The following MGAM2 variants were observed in gnomAD, a reference collection of about 807,000 sequenced individuals.
MGAM2 encodes probable maltase-glucoamylase 2.
Under a neutral mutation model 96.1 loss-of-function variants are expected in MGAM2, and 98 were observed. That is an observed-to-expected ratio of 1.02 (90% confidence interval 0.87 to 1.21). The LOEUF is 1.21. Among genes scored for constraint, MGAM2 ranks in the 50% most tolerant of loss-of-function variants. MGAM2 has a pLI of 0.00. For missense variants in MGAM2, 2,055 were observed against 1,182.4 expected (o/e 1.74, Z -10.82); for synonymous variants, 749 against 414.8 (o/e 1.81, Z -9.79).
At chr7:142,120,138 T>A (rs932782779) in intron 2 of MGAM2, among the ~76,000 whole-genome samples, 164 bp from the exon 3 acceptor site, 3 of 152,332 alleles carry the variant, frequency 2.0e-5, no homozygotes, top group Middle Eastern at 3.4e-3. Context: ...CAAATATAGA[T>A]ACCAGTTTGG....
chr7:142,183,165 T>G (rs1424932187), intron 32 of MGAM2, 101 bp from the exon 33 acceptor site: 3 of 607,830 alleles, frequency 4.9e-6, no homozygotes, highest in South Asian at 4.0e-5. Flanking sequence ...GGTATTGAGA[T>G]TCACCATTTC....
rs756116461 is a variant in MGAM2 at position 142,196,817 on chromosome 7, G to T, written c.4632+1G>T. 18 of 777,704 alleles carry T rather than the reference G, an allele frequency of 2.3e-5. No individual in the cohort carries two copies. Among genetic ancestry groups the T allele is most frequent in the Non-Finnish European group, 4.1e-5 (17 of 417,454 alleles). 48.2% of individuals were successfully genotyped at this position (777,704 alleles called of 1,614,324 possible). On this transcript the variant is annotated splice_donor_variant, in intron 40 of 47. Coordinates refer to ENST00000477922, the MANE Select transcript of MGAM2 (RefSeq NM_001293626.2). LOFTEE classifies it high-confidence loss of function. ...AAACCACAACAACATCGGGACAAGG[G>T]TGAGGCAGTAGTTCGTGCTCCAGGT...
In MGAM2 at chr7:142,185,107, G is replaced by T; in HGVS notation, c.3955G>T (p.Asp1319Tyr). The change falls in exon 34 of 48, where the codon GAT becomes TAT. Residue 1319 changes from aspartate (D) to tyrosine (Y), a missense_variant. By Grantham distance (160) the Asp-to-Tyr change is radical. Coordinates refer to ENST00000477922, the MANE Select transcript of MGAM2 (RefSeq NM_001293626.2). ...GCCAGATCTGCCTAATGTAATTGTA[G>T]ATGGATCCCTTGACCATGAAACTCA... ...VWPDLPNVIV[D>Y]GSLDHETQVK... The T allele has an allele frequency of 1.4e-6, 1 of 702,956 alleles. No homozygotes were observed. The highest frequency in any genetic ancestry group is 2.6e-6 in the Non-Finnish European group (1 of 384,956). 43.5% of individuals were successfully genotyped at this position (702,956 alleles called of 1,614,324 possible).
At chr7:142,138,338 C>A (rs185574732) in intron 9 of MGAM2, among the ~76,000 whole-genome samples, 217 of 151,586 alleles carry the variant, frequency 1.4e-3, no homozygotes, top group African/African-American at 5.0e-3. Flanking sequence ...ATTACTGAAA[C>A]ATTTTCTGCA....
At chr7:142,173,936 G>C (rs779869372) in intron 31 of MGAM2, among the ~76,000 whole-genome samples, 2 of 152,104 alleles carry the variant, frequency 1.3e-5, no homozygotes, top group South Asian at 4.1e-4. Flanking sequence ...GAATAAGGGA[G>C]TCCTTTCCCC....
chr7:142,153,973 C>A, intron 15 of MGAM2, 45 bp from the exon 16 acceptor site: 1 of 536,162 alleles, frequency 1.9e-6, no homozygotes, highest in Non-Finnish European at 3.5e-6. Flanking sequence ...GAGTCCTAGA[C>A]ATTCACAGCC....
chr7:142,143,654 A>G (rs896427325), intron 12 of MGAM2, 115 bp from the exon 13 acceptor site: 1 of 452,760 alleles, frequency 2.2e-6, no homozygotes, highest in African/African-American at 1.9e-5. Context: ...GGGTAGTCAC[A>G]CATTTTATTT....
intron 47 of MGAM2, 142 bp downstream of exon 47, chr7:142,218,673 G>A (rs1227511771): frequency 5.2e-6 from 3 of 574,558 alleles, no homozygotes; most frequent in Admixed American, 3.3e-5. Flanking sequence ...CAATAGATAT[G>A]TTCCTGAAAA....
intron 23 of MGAM2, among the ~76,000 whole-genome samples, chr7:142,163,121 C>T (rs1349454491): frequency 1.3e-5 from 2 of 152,168 alleles, no homozygotes; most frequent in African/African-American, 4.8e-5. Context: ...ACAGCTTGCT[C>T]CTTTTCATTG....
At chr7:142,136,839 A>G (rs1422597237) in intron 8 of MGAM2, among the ~76,000 whole-genome samples, 199 bp downstream of exon 8, 1 of 152,086 alleles carries the variant, frequency 6.6e-6, no homozygotes, top group Non-Finnish European at 1.5e-5. Flanking sequence ...TTCATTGAAA[A>G]CCACTTCAGG....
chr7:142,194,036 CTTT>C (rs537760392), intron 37 of MGAM2, among the ~76,000 whole-genome samples: 3 of 145,284 alleles, frequency 2.1e-5, no homozygotes, highest in Non-Finnish European at 1.5e-5. Flanking sequence ...CTTTCTTCTT[CTTT>C]TTTTTTTTTT....
In MGAM2 at chr7:142,167,296, G is replaced by T. The variant is rs1234390644; in HGVS notation, c.2837G>T (p.Cys946Phe). The change falls in exon 26 of 48, where the codon TGT becomes TTT. Residue 946 changes from cysteine to phenylalanine, a missense_variant. Physicochemically the swap from Cys to Phe is radical, Grantham distance 205. Coordinates refer to ENST00000477922, the MANE Select transcript of MGAM2 (RefSeq NM_001293626.2). ...EDTSTPGVPT[C>F]YYDTIPNYVA... Reference sequence around the variant, plus strand: ...ACATCTACTCCTGGAGTGCCCACCTGTTACTATGACACCATCCCTAATTAT... The same window carrying T: ...ACATCTACTCCTGGAGTGCCCACCTTTTACTATGACACCATCCCTAATTAT... 2 of 701,102 alleles carry T rather than the reference G, an allele frequency of 2.9e-6. No homozygotes were observed. The highest frequency in any genetic ancestry group is 3.5e-5 in the African/African-American group (2 of 57,208). 43.4% of individuals were successfully genotyped at this position (701,102 alleles called of 1,614,324 possible).
Position 142,116,859 on chromosome 7 carries a change from T to A in MGAM2, c.1-15T>A. On this transcript the variant is annotated splice_polypyrimidine_tract_variant and intron_variant, in intron 1 of 47. Coordinates refer to ENST00000477922, the MANE Select transcript of MGAM2 (RefSeq NM_001293626.2). Reference sequence around the variant, plus strand: ...CTTGTGATTTGTTTTAACCCAATTATCTGTGTCTATCTAGATGGCGAGGAA... The same window carrying A: ...CTTGTGATTTGTTTTAACCCAATTAACTGTGTCTATCTAGATGGCGAGGAA... The A allele has an allele frequency of 1.4e-6, 1 of 703,560 alleles. No individual in the cohort carries two copies. Among genetic ancestry groups the A allele is most frequent in the Non-Finnish European group, 2.6e-6 (1 of 385,080 alleles). 43.6% of individuals were successfully genotyped at this position (703,560 alleles called of 1,614,324 possible).
At chr7:142,145,341 T>G (rs1795352651) in intron 14 of MGAM2, among the ~76,000 whole-genome samples, 1 of 152,144 alleles carries the variant, frequency 6.6e-6, no homozygotes. Context: ...TTCTTTATTC[T>G]TTACTTCCTT....
At chr7:142,173,131 C>G (rs1212634519) in intron 30 of MGAM2, 98 bp from the exon 31 acceptor site, 2 of 649,628 alleles carry the variant, frequency 3.1e-6, no homozygotes, top group Non-Finnish European at 5.6e-6. Context: ...GCCTCTTATA[C>G]AGTACTTAGC....
At position 142,157,975 on chromosome 7, in the gene MGAM2, G is replaced by A; in HGVS notation, c.1962G>A (p.Leu654=). ...CTGCCTTTGGTGTTGATTCCCTGCT[G>A]CTGAAATCCTCCAGACATTATCTGA... is the stretch of plus-strand genomic sequence containing the variant. The part of the protein sequence containing the change: ...DPAAFGVDSL[L]LKSSRHYLNI... The change falls in exon 18 of 48, where the codon CTG becomes CTA. Residue 654 remains leucine, a synonymous_variant. Transcript: ENST00000477922. 1 of 702,990 alleles carries A rather than the reference G, an allele frequency of 1.4e-6. No individual in the cohort carries two copies. Among genetic ancestry groups the A allele is most frequent in the Non-Finnish European group, 2.6e-6 (1 of 384,992 alleles). The allele number at this position is 702,990 out of a possible 1,614,324, so 43.5% of individuals were successfully genotyped here.
chr7:142,153,870 G>T, intron 15 of MGAM2, 148 bp from the exon 16 acceptor site: 1 of 448,308 alleles, frequency 2.2e-6, no homozygotes. Flanking sequence ...GAAGCTCTTA[G>T]ATAGTACTAA....
At chr7:142,149,579 C>T (rs189401872) in intron 15 of MGAM2, among the ~76,000 whole-genome samples, 119 of 151,374 alleles carry the variant, frequency 7.9e-4, no homozygotes, top group Admixed American at 1.6e-3. Context: ...CTCGCTCTGT[C>T]GCCCAGGCTG....
intron 21 of MGAM2, among the ~76,000 whole-genome samples, chr7:142,160,775 GTTA>G (rs1297521817): frequency 1.3e-5 from 2 of 151,732 alleles, no homozygotes; most frequent in Non-Finnish European, 2.9e-5. Flanking sequence ...ACTTTGTAGA[GTTA>G]TTATGAGGGT....
Sources: allele counts gnomAD v4.1 joint callset (sites outside exome capture counted in the v4.1 genomes callset), GRCh38; gene constraint gnomAD v4.1.1; transcripts MANE v1.5; gene names NCBI Gene and HGNC (gene_info 2026-07-23, HGNC 2026-07-21).